Variants in DMD observed in about 807,000 individuals in gnomAD.
The protein encoded by DMD is dystrophin.
DMD carries 63 observed loss-of-function variants against 330.1 expected under a neutral mutation model. The observed-to-expected ratio is 0.19, with a 90% CI of 0.16 to 0.24. DMD has a LOEUF of 0.24. DMD is among the 10% of genes least tolerant of loss of function. The probability of loss-of-function intolerance (pLI) is 1.00; values close to 1 mark genes in which losing one functional copy is unlikely to be tolerated. For synonymous variants in DMD, 1,223 were observed against 959.8 expected (o/e 1.27, Z -5.07); for missense variants, 3,344 against 2,684.1 (o/e 1.25, Z -5.43).
intron 20 of DMD, among the ~76,000 whole-genome samples, chrX:32,488,210 A>G (rs2042662445): frequency 8.9e-6 from 1 of 112,218 alleles, no homozygotes; most frequent in African/African-American, 3.2e-5. Context: ...GATGTGAACA[A>G]TTAGCCATTA....
At chrX:32,023,945 G>C (rs1426307679) in intron 44 of DMD, among the ~76,000 whole-genome samples, 1 of 111,265 alleles carries the variant, frequency 9.0e-6, no homozygotes, top group African/African-American at 3.3e-5. Context: ...AGGAAGGAGG[G>C]AGGAAGGGAA....
chrX:31,974,508 CT>C (rs1181247777), intron 44 of DMD, among the ~76,000 whole-genome samples: 108 of 104,596 alleles, frequency 1.0e-3, no homozygotes, highest in Admixed American at 1.4e-3. Flanking sequence ...CTCCTGTTAT[CT>C]TTTTTTTTTT....
intron 63 of DMD, among the ~76,000 whole-genome samples, chrX:31,245,690 C>T (rs1407480898): frequency 9.0e-6 from 1 of 111,235 alleles, no homozygotes; most frequent in Non-Finnish European, 1.9e-5. Context: ...TATGGTGAAT[C>T]GTGATCAGTA....
intron 2 of DMD, among the ~76,000 whole-genome samples, chrX:32,883,346 T>C (rs2084143860): frequency 8.9e-6 from 1 of 111,806 alleles, no homozygotes; most frequent in Admixed American, 9.5e-5. Context: ...TTTCTATTAC[T>C]CTCATTTCTT....
At chrX:33,208,957 C>A (rs926490642) in intron 1 of DMD, among the ~76,000 whole-genome samples, 2 of 110,906 alleles carry the variant, frequency 1.8e-5, no homozygotes, top group African/African-American at 6.5e-5. Context: ...TTAAACTACA[C>A]AAGTGGTTAA....
chrX:32,887,744 T>TA, intron 2 of DMD, among the ~76,000 whole-genome samples: 1 of 3,159 alleles, frequency 3.2e-4, no homozygotes, highest in African/African-American at 2.1e-3. Context: ...CAAGACTGTC[T>TA]CAAAAAAAAA....
chrX:32,690,444 T>C (rs1003222622), intron 9 of DMD, among the ~76,000 whole-genome samples: 6 of 111,534 alleles, frequency 5.4e-5, no homozygotes, highest in African/African-American at 1.6e-4. Context: ...AGAACTAATA[T>C]AATCTTTATC....
chrX:32,443,958 G>C lies in DMD; in HGVS notation c.3787-2644C>G, dbSNP rs772058289. On this transcript the variant is annotated intron_variant, in intron 27 of 78. Coordinates refer to ENST00000357033, the MANE Select transcript of DMD (RefSeq NM_004006.3). The stretch of plus-strand genomic sequence containing the variant: ...AAGGAAACATTTTTAATTCATAGCT[G>C]ATCTGTAAAACATGTATATAGAACC... 5.6e-4 allele frequency among the ~76,000 whole-genome samples: 62 copies of C among 111,032 alleles called. 1 individual carries two copies. Among genetic ancestry groups the C allele is most frequent in the African/African-American group, 2.0e-3 (61 of 30,705 alleles).
At chrX:32,732,631 T>A (rs1446118977) in intron 7 of DMD, among the ~76,000 whole-genome samples, 2 of 111,135 alleles carry the variant, frequency 1.8e-5, no homozygotes, top group Non-Finnish European at 3.8e-5. Flanking sequence ...GAAAAGAATT[T>A]TCAACCCAGA....
rs769995229 is a variant in DMD, at chrX:31,350,620, TGTGTGTGTGTGTGAGAGA to T, written c.9085-2004_9085-1987del. 3.9e-3 allele frequency among the ~76,000 whole-genome samples: 186 copies of T among 48,131 alleles called. 1 individual carries two copies. Among genetic ancestry groups the T allele is most frequent in the Non-Finnish European group, 5.5e-3 (128 of 23,280 alleles). 41.8% of individuals were successfully genotyped at this position (48,131 alleles called of 115,157 possible). On this transcript the variant is annotated intron_variant, in intron 60 of 78. Transcript: ENST00000357033. ...GTGTGTGTGTGTGTGTGTGTGTGTG[TGTGTGTGTGTGTGAGAGA>T]GAGAGAGAGAGAGAGAGAGAGAAGA... is the stretch of plus-strand genomic sequence containing the variant.
At chrX:31,294,778 C>T (rs1384002227) in intron 62 of DMD, among the ~76,000 whole-genome samples, 1 of 111,468 alleles carries the variant, frequency 9.0e-6, no homozygotes, top group Non-Finnish European at 1.9e-5. Context: ...GAAATGACCA[C>T]TAAAGGAAGG....
intron 51 of DMD, among the ~76,000 whole-genome samples, chrX:31,771,846 G>A (rs1212854123): frequency 1.8e-5 from 2 of 111,219 alleles, no homozygotes; most frequent in African/African-American, 6.6e-5. Context: ...TCTCTGTGAG[G>A]GGGCATCAAA....
chrX:31,173,088 G>C (rs1409053678), intron 72 of DMD, among the ~76,000 whole-genome samples: 1 of 111,795 alleles, frequency 8.9e-6, no homozygotes, highest in Non-Finnish European at 1.9e-5. Context: ...AGGTGAGACA[G>C]AAAAGTCCAA....
intron 49 of DMD, among the ~76,000 whole-genome samples, 170 bp downstream of exon 49, chrX:31,836,548 A>T (rs183145179): frequency 8.9e-6 from 1 of 112,745 alleles, no homozygotes; most frequent in Admixed American, 9.4e-5. Context: ...ATATATAAAT[A>T]GGATATGCTG....
chrX:31,439,986 TG>T (rs1243978287), intron 60 of DMD, among the ~76,000 whole-genome samples: 1 of 111,586 alleles, frequency 9.0e-6, no homozygotes, highest in African/African-American at 3.3e-5. Context: ...GAAACAAGTG[TG>T]ATTTCTAAGG....
intron 44 of DMD, among the ~76,000 whole-genome samples, chrX:32,108,457 G>A (rs995540395): frequency 8.0e-5 from 9 of 111,804 alleles, no homozygotes; most frequent in South Asian, 3.7e-4. Flanking sequence ...ATTGTTACTC[G>A]TTAAATTGCC....
intron 7 of DMD, among the ~76,000 whole-genome samples, chrX:32,717,215 C>A (rs750234956): frequency 2.7e-5 from 3 of 111,387 alleles, no homozygotes; most frequent in Non-Finnish European, 5.7e-5. Context: ...CCCTTTGCAG[C>A]AGCCCCTCCT....
intron 45 of DMD, among the ~76,000 whole-genome samples, chrX:31,943,638 A>G (rs1198333240): frequency 9.0e-6 from 1 of 111,034 alleles, no homozygotes; most frequent in East Asian, 2.8e-4. Context: ...CATTTATTTT[A>G]TAATTTCACC....
intron 78 of DMD, among the ~76,000 whole-genome samples, chrX:31,125,438 C>T (rs758460326): frequency 2.7e-5 from 3 of 111,762 alleles, no homozygotes; most frequent in Admixed American, 1.9e-4. Flanking sequence ...GTTTTCATTA[C>T]GACTCCTGTG....
Sources: gnomAD v4.1 joint callset for allele counts (sites outside exome capture counted in the v4.1 genomes callset) on GRCh38, gnomAD v4.1.1 for gene constraint, MANE v1.5 for transcripts, NCBI Gene and HGNC (gene_info 2026-07-23, HGNC 2026-07-21) for gene names.